TRMT61B: variants seen among roughly 807,000 people sequenced by gnomAD.
TRMT61B encodes the protein tRNA methyltransferase 61B, also known as tRNA (adenine(58)-N(1))-methyltransferase, mitochondrial.
Under a neutral mutation model 52.0 loss-of-function variants are expected in TRMT61B, and 56 were observed. The observed-to-expected ratio is 1.08, with a 90% CI of 0.87 to 1.35. The LOEUF is 1.35. Ranked by LOEUF, TRMT61B falls within the 40% of genes most tolerant of loss-of-function variation. The pLI, the probability that TRMT61B is intolerant of heterozygous loss-of-function variation, is 0.00. For synonymous variants in TRMT61B, 206 were observed against 220.0 expected, an observed-to-expected ratio of 0.94 and a Z score of 0.56; for missense variants, 650 against 577.9, an observed-to-expected ratio of 1.12 and a Z score of -1.28.
chr2:28,851,848 C>T (rs1441646281), intron 4 of TRMT61B, among the ~76,000 whole-genome samples: 7 of 122,040 alleles, frequency 5.7e-5, no homozygotes, highest in Non-Finnish European at 9.5e-5. Context: ...CACTGCACCC[C>T]AGCCTGGGTG....
chr2:28,866,013 A>G (rs1010383056), intron 1 of TRMT61B, among the ~76,000 whole-genome samples: 2 of 146,914 alleles, frequency 1.4e-5, no homozygotes, highest in Non-Finnish European at 3.0e-5. Flanking sequence ...TTGGGGGGAC[A>G]GAGTCTCGCT....
chr2:28,852,982 G>A (rs1468212376), intron 3 of TRMT61B, among the ~76,000 whole-genome samples: 1 of 152,004 alleles, frequency 6.6e-6, no homozygotes, highest in Non-Finnish European at 1.5e-5. Context: ...ATTTGTCATA[G>A]TACTTGATGA....
At chr2:28,864,147 T>A (rs1669729599) in intron 2 of TRMT61B, among the ~76,000 whole-genome samples, 1 of 152,156 alleles carries the variant, frequency 6.6e-6, no homozygotes, top group Admixed American at 6.6e-5. Context: ...ATGATCTAGC[T>A]TTTTACTTAA....
At chr2:28,852,969 A>G (rs192602948) in intron 3 of TRMT61B, among the ~76,000 whole-genome samples, 1 of 152,182 alleles carries the variant, frequency 6.6e-6, no homozygotes, top group Admixed American at 6.5e-5. Flanking sequence ...GGAAGAAAAA[A>G]CAATTTGTCA....
chr2:28,866,962 AT>A lies in TRMT61B; in HGVS notation c.700-1844del, dbSNP rs539412637. Among the ~76,000 whole-genome samples, 119 of 148,378 alleles carry A rather than the reference AT, an allele frequency of 8.0e-4. 1 individual carries two copies. Among genetic ancestry groups the A allele is most frequent in the East Asian group, 1.6e-3 (8 of 5,020 alleles). On this transcript the variant is annotated intron_variant, in intron 1 of 6. Coordinates refer to ENST00000306108, the MANE Select transcript of TRMT61B (RefSeq NM_017910.4). ...AGGCATGTACCACCATGCCCAACTA[AT>A]TTTTTTTTTATTTTTTATAAAGATG...
At chr2:28,862,641 T>G (rs889584421) in intron 2 of TRMT61B, among the ~76,000 whole-genome samples, 1 of 151,836 alleles carries the variant, frequency 6.6e-6, no homozygotes, top group Non-Finnish European at 1.5e-5. Flanking sequence ...CCTTTTAATG[T>G]AATTTTAACT....
intron 3 of TRMT61B, among the ~76,000 whole-genome samples, chr2:28,857,605 C>G (rs1009770980): frequency 6.6e-6 from 1 of 152,314 alleles, no homozygotes; most frequent in East Asian, 1.9e-4. Context: ...CTCAACAACT[C>G]TATGAAATAG....
At chr2:28,868,752 C>G (rs940561052) in intron 1 of TRMT61B, among the ~76,000 whole-genome samples, 1 of 152,232 alleles carries the variant, frequency 6.6e-6, no homozygotes, top group Non-Finnish European at 1.5e-5. Flanking sequence ...CGGTGGCTCC[C>G]GCCTGTAATC....
At position 28,861,139 on chromosome 2, in the gene TRMT61B, T is replaced by C. The variant is rs1477755559; in HGVS notation, c.972A>G (p.Ile324Met). Reference sequence around the variant, plus strand: ...TTACTGCGTCAAATGTTAAAGATTTTATGTCTTCGGTTGCTCCTGAAATGT... The same window carrying C: ...TTACTGCGTCAAATGTTAAAGATTTCATGTCTTCGGTTGCTCCTGAAATGT... Reference protein sequence around the residue: ...HKDISGATEDIKSLTFDAVAL... With the variant: ...HKDISGATEDMKSLTFDAVAL... The change falls in exon 3 of 7, where the codon ATA (isoleucine) becomes ATG (methionine). Residue 324 changes from isoleucine (I) to methionine (M), a missense_variant. Ile to Met is a conservative substitution (Grantham distance 10, BLOSUM62 1). Coordinates refer to ENST00000306108, the MANE Select transcript of TRMT61B (RefSeq NM_017910.4). 6.2e-7 allele frequency: 1 copy of C among 1,603,838 alleles called. No homozygotes were observed. The highest frequency in any genetic ancestry group is 1.3e-5 in the African/African-American group (1 of 74,266).
intron 3 of TRMT61B, among the ~76,000 whole-genome samples, chr2:28,854,923 A>C (rs2148125611): frequency 6.6e-6 from 1 of 152,200 alleles, no homozygotes; most frequent in South Asian, 2.1e-4. Flanking sequence ...CTATCTCAAA[A>C]CAAACAAAAT....
At position 28,862,188 on chromosome 2, in the gene TRMT61B, G is replaced by C. The variant is rs539581033; in HGVS notation, c.803-880C>G. Among the ~76,000 whole-genome samples, 261 of 121,562 alleles carry C rather than the reference G, an allele frequency of 2.1e-3. 2 individuals are homozygous for C. The highest frequency in any genetic ancestry group is 8.5e-3 in the Middle Eastern group (1 of 118). 79.7% of individuals were successfully genotyped at this position (121,562 alleles called of 152,430 possible). On this transcript the variant is annotated intron_variant, in intron 2 of 6. Transcript: ENST00000306108. ...CCACTGCACTCCAGCCTGGGTGACAGTGCAAGACTCCGTCTCAAAAAAAAA... is the reference window on the plus strand; with the variant it reads ...CCACTGCACTCCAGCCTGGGTGACACTGCAAGACTCCGTCTCAAAAAAAAA...
Position 28,861,099 on chromosome 2 carries a change from C to A in TRMT61B, c.993+19G>T. 6.3e-7 allele frequency: 1 copy of A among 1,576,202 alleles called. No individual in the cohort carries two copies. The highest frequency in any genetic ancestry group is 8.6e-7 in the Non-Finnish European group (1 of 1,163,500). On this transcript the variant is annotated intron_variant, in intron 3 of 6. Coordinates refer to ENST00000306108, the MANE Select transcript of TRMT61B (RefSeq NM_017910.4). ...TTATAGTCAAAGTAATAACACAGGACCCACGTTAGAAAACTTACTGCGTCA... is the reference window on the plus strand; with the variant it reads ...TTATAGTCAAAGTAATAACACAGGAACCACGTTAGAAAACTTACTGCGTCA...
intron 4 of TRMT61B, 103 bp from the exon 5 acceptor site, chr2:28,851,401 T>A: frequency 1.3e-6 from 1 of 788,026 alleles, no homozygotes; most frequent in Non-Finnish European, 1.9e-6. Context: ...ATAGTTAAAT[T>A]AAGGCAGGAG....
chr2:28,855,829 G>C (rs1669318445), intron 3 of TRMT61B, among the ~76,000 whole-genome samples: 1 of 152,128 alleles, frequency 6.6e-6, no homozygotes, highest in East Asian at 1.9e-4. Context: ...AAATTAGCTG[G>C]GCATGGTGGC....
chr2:28,858,168 G>A (rs1669428484), intron 3 of TRMT61B, among the ~76,000 whole-genome samples: 1 of 151,196 alleles, frequency 6.6e-6, no homozygotes, highest in African/African-American at 2.4e-5. Flanking sequence ...AGCCTCCCCA[G>A]TAGCTGGGAC....
In TRMT61B at chr2:28,851,197, C is replaced by G. The variant is rs1553317801; in HGVS notation, c.1187G>C (p.Cys396Ser). 1 of 1,613,334 alleles carries G rather than the reference C, an allele frequency of 6.2e-7. No individual in the cohort carries two copies. Among genetic ancestry groups the G allele is most frequent in the Non-Finnish European group, 8.5e-7 (1 of 1,179,796 alleles). ...AATTCCATTTTTCTGTTTTGCAAGG[C>G]AAACCAACCAATCTCTGACAATGAC... is the stretch of plus-strand genomic sequence containing the variant. ...SEVIVRDWLV[C>S]LAKQKNGILA... The change falls in exon 5 of 7, where the codon TGC becomes TCC. Residue 396 changes from cysteine (C) to serine (S), a missense_variant. Cys to Ser is a moderately radical substitution (Grantham distance 112). Coordinates refer to ENST00000306108, the MANE Select transcript of TRMT61B (RefSeq NM_017910.4).
intron 1 of TRMT61B, among the ~76,000 whole-genome samples, chr2:28,866,650 C>A (rs1669861854): frequency 6.6e-6 from 1 of 152,052 alleles, no homozygotes; most frequent in Non-Finnish European, 1.5e-5. Flanking sequence ...AGTCCTCAGC[C>A]TGGGGGTAGG....
At chr2:28,853,806 A>G (rs1006336514) in intron 3 of TRMT61B, among the ~76,000 whole-genome samples, 2 of 151,370 alleles carry the variant, frequency 1.3e-5, no homozygotes, top group African/African-American at 2.4e-5. Context: ...ACTGCACTCA[A>G]GCCTGGGTGA....
chr2:28,865,225 G>C lies in TRMT61B; in HGVS notation c.700-106C>G, dbSNP rs1260414055. Reference sequence around the variant, plus strand: ...GTGCAGAAGAAGGGAGTGAAAAAACGAATCAGACTCTGGACCTGCCTTCAG... The same window carrying C: ...GTGCAGAAGAAGGGAGTGAAAAAACCAATCAGACTCTGGACCTGCCTTCAG... On this transcript the variant is annotated intron_variant, in intron 1 of 6. Transcript: ENST00000306108. 9 of 620,478 alleles carry C rather than the reference G, an allele frequency of 1.5e-5. 1 individual carries two copies. In the Admixed American group the frequency reaches 2.1e-4, roughly 15 times the overall value. The allele number at this position is 620,478 out of a possible 1,614,324, so 38.4% of individuals were successfully genotyped here. A position where few individuals can be genotyped will look rare whatever the true frequency, so the allele number is the denominator to read the frequency against.
Sources: gnomAD v4.1 joint callset for allele counts (sites outside exome capture counted in the v4.1 genomes callset) on GRCh38, gnomAD v4.1.1 for gene constraint, MANE v1.5 for transcripts, NCBI Gene and HGNC (gene_info 2026-07-23, HGNC 2026-07-21) for gene names.